Variants in UXS1 observed in about 807,000 individuals in gnomAD.
UXS1 encodes the protein UDP-glucuronic acid decarboxylase 1.
In UXS1, 33 loss-of-function variants were observed where a neutral mutation model predicts 62.6. The ratio of observed to expected loss-of-function variants is 0.53; its 90% CI spans 0.40 to 0.70. The LOEUF is 0.70. Ranked by LOEUF, UXS1 falls within the 30% of genes least tolerant of loss-of-function variation. UXS1 has a pLI of 0.00. For missense variants in UXS1, 434 were observed against 556.3 expected (o/e 0.78, Z 2.21); for synonymous variants, 213 against 206.8 (o/e 1.03, Z -0.26).
At chr2:106,146,772 C>CAAAAAAAAAA (rs55896853) in intron 5 of UXS1, among the ~76,000 whole-genome samples, 5 of 45,230 alleles carry the variant, frequency 1.1e-4, no homozygotes, top group African/African-American at 2.3e-4. Context: ...GACTCCATCT[C>CAAAAAAAAAA]AAAAAAAAAA....
intron 2 of UXS1, among the ~76,000 whole-genome samples, chr2:106,165,820 G>GT (rs1038221434): frequency 2.6e-5 from 4 of 151,776 alleles, no homozygotes; most frequent in Non-Finnish European, 5.9e-5. Context: ...GAGGGAAGCG[G>GT]GGGTGGCCGA....
intron 1 of UXS1, among the ~76,000 whole-genome samples, chr2:106,191,238 C>T (rs529731387): frequency 3.3e-5 from 5 of 152,016 alleles, no homozygotes; most frequent in African/African-American, 9.7e-5. Context: ...GTTCTGTTCC[C>T]GAAACAGGGA....
chr2:106,166,226 T>C, intron 1 of UXS1, 143 bp from the exon 2 acceptor site: 1 of 766,492 alleles, frequency 1.3e-6, no homozygotes, highest in Non-Finnish European at 2.1e-6. Context: ...CATACTTTGT[T>C]TTCAAAACAA....
Position 106,101,097 on chromosome 2 carries a change from C to G in UXS1, c.945G>C (p.Val315=). The part of the protein sequence containing the change: ...QYVSDLVNGL[V]ALMNSNVSSP... ...TGCTGACGTTGCTGTTCATGAGAGCCACGAGGCCATTCACTAGATCGCTGG... is the reference window on the plus strand; with the variant it reads ...TGCTGACGTTGCTGTTCATGAGAGCGACGAGGCCATTCACTAGATCGCTGG... The change falls in exon 12 of 15, where the codon GTG becomes GTC. Residue 315 remains valine, a synonymous_variant. Coordinates refer to ENST00000283148, the MANE Select transcript of UXS1 (RefSeq NM_001253875.2). The G allele has an allele frequency of 2.5e-6, 4 of 1,613,816 alleles. No homozygotes were observed. Among genetic ancestry groups the G allele is most frequent in the Non-Finnish European group, 3.4e-6 (4 of 1,179,870 alleles).
rs1228162132 is a variant in UXS1 at position 106,125,624 on chromosome 2, A to G, written c.633T>C (p.Tyr211=). The G allele has an allele frequency of 6.4e-7, 1 of 1,573,664 alleles. No homozygotes were observed. Among genetic ancestry groups the G allele is most frequent in the Non-Finnish European group, 8.6e-7 (1 of 1,159,414 alleles). The change falls in exon 8 of 15, where the codon TAT becomes TAC. Residue 211 remains tyrosine (Y), a synonymous_variant. Coordinates refer to ENST00000283148, the MANE Select transcript of UXS1 (RefSeq NM_001253875.2). ...RLLLASTSEV[Y]GDPEVHPQSE... is the part of the protein sequence containing the mutation. ...CTGAGAGAGCCTCCTACTCACCTCC[A>G]TACACCTCCGATGTGGAGGCCAGGA...
chr2:106,159,920 A>T (rs1359815512), intron 4 of UXS1: 2 of 152,220 alleles, frequency 1.3e-5, no homozygotes, highest in African/African-American at 4.8e-5. Flanking sequence ...CAAAAGCTCA[A>T]GTTCCCCTTG....
rs764390735 is a variant in UXS1 at position 106,097,665 on chromosome 2, T to A, written c.1043-844A>T. The A allele has an allele frequency of 1.5e-5, 3 of 201,830 alleles. No homozygotes were observed. In the Admixed American group the frequency reaches 1.6e-4, roughly 10 times the overall value. The allele number at this position is 201,830 out of a possible 1,614,324, so 12.5% of individuals were successfully genotyped here. Reference sequence around the variant, plus strand: ...TGATCTGGGGGCCTGGGCTAGGGCATGAGAGTCTGAATTTCTAACACACAT... The same window carrying A: ...TGATCTGGGGGCCTGGGCTAGGGCAAGAGAGTCTGAATTTCTAACACACAT... On this transcript the variant is annotated intron_variant, in intron 13 of 14. Transcript: ENST00000283148.
At chr2:106,169,501 G>T (rs868103488) in intron 1 of UXS1, among the ~76,000 whole-genome samples, 1 of 152,036 alleles carries the variant, frequency 6.6e-6, no homozygotes, top group Admixed American at 6.6e-5. Context: ...GTTTGAGGCC[G>T]GCCTGCGCAA....
intron 5 of UXS1, among the ~76,000 whole-genome samples, chr2:106,151,376 C>T (rs905499856): frequency 1.5e-4 from 23 of 152,234 alleles, no homozygotes; most frequent in Non-Finnish European, 3.4e-4. Context: ...GGAGGTGAGG[C>T]CTAATGAGAA....
At chr2:106,098,844 G>C (rs770801780) in intron 12 of UXS1, 71 bp from the exon 13 acceptor site, 1 of 1,418,072 alleles carries the variant, frequency 7.1e-7, no homozygotes. Context: ...GACCACAGGC[G>C]TGTCTGCAGA....
intron 7 of UXS1, among the ~76,000 whole-genome samples, chr2:106,128,416 G>T (rs145491886): frequency 3.9e-5 from 6 of 152,110 alleles, no homozygotes; most frequent in African/African-American, 1.4e-4. Context: ...CATTATGTCC[G>T]GGGGTATCTG....
rs1685069405 is a variant in UXS1 at position 106,193,564 on chromosome 2, G to A, written c.94+584C>T. ...TGCTTCGCCCGGCCGCCGAGCCCCG[G>A]GGGAAAACCTAGAATGGGGATGCCG... On this transcript the variant is annotated intron_variant, in intron 1 of 14. Transcript: ENST00000283148. Among the ~76,000 whole-genome samples, 2 of 151,804 alleles carry A rather than the reference G, an allele frequency of 1.3e-5. 1 individual carries two copies. Among genetic ancestry groups the A allele is most frequent in the South Asian group, 4.2e-4 (2 of 4,788 alleles).
At position 106,166,717 on chromosome 2, in the gene UXS1, T is replaced by C. The variant is rs531280779; in HGVS notation, c.95-634A>G. Among the ~76,000 whole-genome samples, 146 of 151,192 alleles carry C rather than the reference T, an allele frequency of 9.7e-4. 1 individual carries two copies. Among genetic ancestry groups the C allele is most frequent in the African/African-American group, 3.3e-3 (135 of 41,148 alleles). ...GGTGAAGCTTTTTTTTTTTTTTTTT[T>C]CCAAGTGACAGATCTCCCTTTATTA... On this transcript the variant is annotated intron_variant, in intron 1 of 14. Coordinates refer to ENST00000283148, the MANE Select transcript of UXS1 (RefSeq NM_001253875.2).
At chr2:106,144,286 C>G (rs1007457295) in intron 6 of UXS1, among the ~76,000 whole-genome samples, 2 of 152,062 alleles carry the variant, frequency 1.3e-5, no homozygotes, top group African/African-American at 2.4e-5. Context: ...AAAAATGAAG[C>G]AAAAAACCAA....
chr2:106,171,663 A>G (rs1258407785), intron 1 of UXS1, among the ~76,000 whole-genome samples: 3 of 152,252 alleles, frequency 2.0e-5, no homozygotes, highest in Non-Finnish European at 4.4e-5. Flanking sequence ...TCTGGGTAGC[A>G]ATTTCAATGG....
In UXS1 at chr2:106,123,017, C is replaced by A. The variant is rs1464879565; in HGVS notation, c.712G>T (p.Glu238Ter). 6.2e-7 allele frequency: 1 copy of A among 1,614,018 alleles called. No homozygotes were observed. The highest frequency in any genetic ancestry group is 8.5e-7 in the Non-Finnish European group (1 of 1,179,870). Reference protein sequence around the residue: ...NPIGPRACYDEGKRVAETMCY... With the variant: ...NPIGPRACYD ...ATGGTCTCTGCAACACGTTTGCCTT[C>A]ATCGTAGCAGGCCCGAGGTCCTATT... is the stretch of plus-strand genomic sequence containing the variant. The change falls in exon 9 of 15, where the codon GAA (glutamate) becomes TAA (stop). Residue 238 changes from glutamate to a stop codon, truncating the protein, a stop_gained. Transcript: ENST00000283148. LOFTEE classifies it high-confidence loss of function.
Position 106,194,140 on chromosome 2 carries a change from G to A in UXS1, c.94+8C>T. On this transcript the variant is annotated splice_region_variant and intron_variant, in intron 1 of 14. Coordinates refer to ENST00000283148, the MANE Select transcript of UXS1 (RefSeq NM_001253875.2). ...GGGCTCCCCAGCTGGCAGCGGGCGC[G>A]CACTCACAGGCGACGTAGGCCAGCA... 3 of 1,470,640 alleles carry A rather than the reference G, an allele frequency of 2.0e-6. No individual in the cohort carries two copies. Among genetic ancestry groups the A allele is most frequent in the Non-Finnish European group, 2.7e-6 (3 of 1,109,142 alleles). 91.1% of individuals were successfully genotyped at this position (1,470,640 alleles called of 1,614,324 possible). A position where few individuals can be genotyped will look rare whatever the true frequency, so the allele number is the denominator to read the frequency against.
At chr2:106,143,889 A>G (rs1249802736) in intron 6 of UXS1, among the ~76,000 whole-genome samples, 1 of 152,146 alleles carries the variant, frequency 6.6e-6, no homozygotes, top group African/African-American at 2.4e-5. Context: ...TCTTCTACCC[A>G]GTCTCTCTAC....
At chr2:106,096,882 T>G (rs1232821030) in intron 13 of UXS1, 61 bp from the exon 14 acceptor site, 1 of 1,498,328 alleles carries the variant, frequency 6.7e-7, no homozygotes, top group Middle Eastern at 1.7e-4. Context: ...AAGCACAGCC[T>G]TACCATCCAC....
Sources: gnomAD v4.1 joint callset for allele counts (sites outside exome capture counted in the v4.1 genomes callset) on GRCh38, gnomAD v4.1.1 for gene constraint, MANE v1.5 for transcripts, NCBI Gene and HGNC (gene_info 2026-07-23, HGNC 2026-07-21) for gene names.